Variants in GABRA1 observed in about 807,000 individuals in gnomAD.
The protein encoded by GABRA1 is gamma-aminobutyric acid receptor subunit alpha-1.
In GABRA1, 9 loss-of-function variants were observed where a neutral mutation model predicts 48.9. The ratio of observed to expected loss-of-function variants is 0.18; its 90% confidence interval spans 0.11 to 0.32. The LOEUF is 0.32. Among genes scored for constraint, GABRA1 ranks in the 10% least tolerant of loss-of-function variants. The pLI is 1.00. For missense variants in GABRA1, 285 were observed against 553.8 expected (o/e 0.51, Z 4.87); for synonymous variants, 210 against 198.7 (o/e 1.06, Z -0.48).
intron 6 of GABRA1, 152 bp downstream of exon 6, chr5:161,875,794 T>A: frequency 1.5e-6 from 1 of 688,878 alleles, no homozygotes; most frequent in South Asian, 1.6e-5. Context: ...GCTCTGTGAC[T>A]TCACTTTTTA....
At chr5:161,862,284 C>G (rs764550675) in intron 3 of GABRA1, among the ~76,000 whole-genome samples, 1 of 151,850 alleles carries the variant, frequency 6.6e-6, no homozygotes, top group Non-Finnish European at 1.5e-5. Context: ...AGATTGTCAT[C>G]TTGTGCCATG....
intron 6 of GABRA1, among the ~76,000 whole-genome samples, chr5:161,878,664 GCT>G (rs991695830): frequency 3.7e-4 from 57 of 152,256 alleles, no homozygotes; most frequent in African/African-American, 1.3e-3. Context: ...TATGGATAAA[GCT>G]CTCTTTATAA....
intron 4 of GABRA1, among the ~76,000 whole-genome samples, chr5:161,869,276 A>G (rs1206809523): frequency 6.6e-6 from 1 of 152,180 alleles, no homozygotes; most frequent in Non-Finnish European, 1.5e-5. Flanking sequence ...CACATTAGGC[A>G]CCATGCTAAA....
chr5:161,884,651 A>G (rs2113422374), intron 7 of GABRA1, among the ~76,000 whole-genome samples: 1 of 152,294 alleles, frequency 6.6e-6, no homozygotes. Context: ...AGACCAAATA[A>G]TGCACACATA....
chr5:161,856,665 T>A (rs921447915), intron 3 of GABRA1, among the ~76,000 whole-genome samples: 1 of 151,318 alleles, frequency 6.6e-6, no homozygotes, highest in Non-Finnish European at 1.5e-5. Context: ...TGATACTGAT[T>A]AAACTTTTTT....
In GABRA1 at chr5:161,893,008, AAAATAATAAT is replaced by A. The variant is rs1442031756; in HGVS notation, c.856+1961_856+1970del. Among the ~76,000 whole-genome samples, 236 of 72,438 alleles carry A rather than the reference AAAATAATAAT, an allele frequency of 3.3e-3. 2 individuals are homozygous for A. Among genetic ancestry groups the A allele is most frequent in the Non-Finnish European group, 4.5e-3 (178 of 39,264 alleles). The allele number at this position is 72,438 out of a possible 152,430, so 47.5% of individuals were successfully genotyped here. On this transcript the variant is annotated intron_variant, in intron 8 of 9. Coordinates refer to ENST00000393943, the MANE Select transcript of GABRA1 (RefSeq NM_001127644.2). ...CAACAGAGCGAGACTCCTTCTCAAA[AAAATAATAAT>A]AATAATAATAATAATAATAATAATA...
intron 6 of GABRA1, among the ~76,000 whole-genome samples, chr5:161,878,837 T>C (rs1223746121): frequency 2.0e-5 from 3 of 152,192 alleles, no homozygotes; most frequent in African/African-American, 7.2e-5. Context: ...GGCCTTAATA[T>C]ATGATTGTCT....
intron 3 of GABRA1, among the ~76,000 whole-genome samples, chr5:161,863,492 C>G (rs1008713425): frequency 2.6e-5 from 4 of 151,938 alleles, no homozygotes; most frequent in African/African-American, 9.7e-5. Context: ...ATGACCAGAT[C>G]TCAGGTGAAC....
intron 2 of GABRA1, 91 bp downstream of exon 2, chr5:161,850,975 A>C: frequency 1.9e-6 from 2 of 1,068,588 alleles, no homozygotes; most frequent in Non-Finnish European, 2.9e-6. Flanking sequence ...AAATGAATTT[A>C]TGACTAAGGG....
intron 5 of GABRA1, among the ~76,000 whole-genome samples, 172 bp downstream of exon 5, chr5:161,873,509 G>A (rs542527535): frequency 1.6e-4 from 24 of 152,128 alleles, no homozygotes; most frequent in Admixed American, 1.0e-3. Flanking sequence ...CAAGGATGAA[G>A]TATTATTTAT....
At chr5:161,863,862 G>T (rs1353543960) in intron 3 of GABRA1, among the ~76,000 whole-genome samples, 1 of 151,646 alleles carries the variant, frequency 6.6e-6, no homozygotes, top group East Asian at 1.9e-4. Context: ...GGGGAAACAT[G>T]GGTAAACAAG....
chr5:161,883,202 G>A (rs1048837008), intron 7 of GABRA1, among the ~76,000 whole-genome samples: 10 of 152,084 alleles, frequency 6.6e-5, no homozygotes, highest in African/African-American at 2.2e-4. Context: ...ATTACACGCA[G>A]GACATCAAAA....
At position 161,881,982 on chromosome 5, in the gene GABRA1, GAGGAGA is replaced by G. The variant is rs367808680; in HGVS notation, c.560-555_560-550del. On this transcript the variant is annotated intron_variant, in intron 6 of 9. Transcript: ENST00000393943. ...GCAGGGGGAGGGGGAGGAGGAGGAG[GAGGAGA>G]AGGAGAAGGAGAAGGAGAAGAAGAA... 1,380 of 153,804 alleles carry G rather than the reference GAGGAGA, an allele frequency of 9.0e-3. 24 individuals are homozygous for G. The highest frequency in any genetic ancestry group is 0.029 in the African/African-American group (1,196 of 41,126). The allele number at this position is 153,804 out of a possible 1,614,324, so 9.5% of individuals were successfully genotyped here.
intron 3 of GABRA1, among the ~76,000 whole-genome samples, chr5:161,857,268 T>A (rs1292606436): frequency 6.6e-6 from 1 of 151,340 alleles, no homozygotes; most frequent in African/African-American, 2.4e-5. Context: ...AAAACGGGGA[T>A]TTTTGCTTCT....
At chr5:161,850,185 T>C (rs574524457) in intron 1 of GABRA1, 1 of 155,294 alleles carries the variant, frequency 6.4e-6, no homozygotes, top group Non-Finnish European at 1.4e-5. Flanking sequence ...TTAGGAAGCA[T>C]GTTTAACAAA....
At chr5:161,871,948 A>G (rs1754139370) in intron 4 of GABRA1, among the ~76,000 whole-genome samples, 1 of 152,166 alleles carries the variant, frequency 6.6e-6, no homozygotes, top group African/African-American at 2.4e-5. Context: ...TTCAGCCTTC[A>G]CCCAGTATTG....
chr5:161,858,540 G>GTACA (rs1358713392), intron 3 of GABRA1, among the ~76,000 whole-genome samples: 10 of 151,702 alleles, frequency 6.6e-5, no homozygotes, highest in Admixed American at 6.6e-4. Context: ...CCACACTGAT[G>GTACA]TACAGTTTAT....
At chr5:161,868,574 C>T (rs1753975930) in intron 4 of GABRA1, among the ~76,000 whole-genome samples, 1 of 152,106 alleles carries the variant, frequency 6.6e-6, no homozygotes, top group African/African-American at 2.4e-5. Context: ...AAACATCACA[C>T]ACTGATGGCA....
At chr5:161,883,396 G>T (rs1754701657) in intron 7 of GABRA1, among the ~76,000 whole-genome samples, 1 of 152,014 alleles carries the variant, frequency 6.6e-6, no homozygotes, top group Non-Finnish European at 1.5e-5. Context: ...CTGACACTGT[G>T]GAAAAGCTGG....
Sources: allele counts gnomAD v4.1 joint callset (sites outside exome capture counted in the v4.1 genomes callset), GRCh38; gene constraint gnomAD v4.1.1; transcripts MANE v1.5; gene names NCBI Gene and HGNC (gene_info 2026-07-23, HGNC 2026-07-21).